The following TMTC2 variants were observed in gnomAD, a reference collection of about 807,000 sequenced individuals.
TMTC2 encodes protein O-mannosyl-transferase TMTC2.
A neutral mutation model predicts 82.4 loss-of-function variants in TMTC2; 43 were observed. That is an observed-to-expected ratio of 0.52 (90% CI 0.41 to 0.67). TMTC2 has a LOEUF of 0.67. Among genes scored for constraint, TMTC2 ranks in the 30% least tolerant of loss-of-function variants. The pLI is 0.00. For synonymous variants in TMTC2, 408 were observed against 381.9 expected (o/e 1.07, Z -0.80); for missense variants, 919 against 1,012.4 (o/e 0.91, Z 1.25).
intron 3 of TMTC2, among the ~76,000 whole-genome samples, chr12:82,898,384 G>A (rs925286680): frequency 2.6e-5 from 4 of 152,116 alleles, no homozygotes; most frequent in Non-Finnish European, 5.9e-5. Context: ...AACATATAGG[G>A]AATTGAAAAA....
At chr12:82,914,758 A>G (rs1204530607) in intron 3 of TMTC2, among the ~76,000 whole-genome samples, 6 of 150,306 alleles carry the variant, frequency 4.0e-5, no homozygotes, top group African/African-American at 9.8e-5. Context: ...TTACACATCT[A>G]TGTTAATTTA....
At chr12:82,737,419 T>G (rs992244226) in intron 1 of TMTC2, among the ~76,000 whole-genome samples, 3 of 152,198 alleles carry the variant, frequency 2.0e-5, no homozygotes, top group Admixed American at 6.5e-5. Context: ...TTTGAACCTA[T>G]ATTCAAAGCA....
chr12:83,102,321 GT>G (rs1884247582), intron 11 of TMTC2, among the ~76,000 whole-genome samples: 1 of 152,206 alleles, frequency 6.6e-6, no homozygotes, highest in Non-Finnish European at 1.5e-5. Flanking sequence ...AGTAGTGCCT[GT>G]GCTCAAATAG....
chr12:82,876,090 ATTC>A (rs1872530403), intron 2 of TMTC2, among the ~76,000 whole-genome samples: 2 of 122,238 alleles, frequency 1.6e-5, no homozygotes, highest in African/African-American at 7.0e-5. Flanking sequence ...GGTGATTAGT[ATTC>A]ATAATGGTGG....
At chr12:83,090,408 C>T (rs2137518206) in intron 11 of TMTC2, among the ~76,000 whole-genome samples, 1 of 152,258 alleles carries the variant, frequency 6.6e-6, no homozygotes, top group East Asian at 1.9e-4. Flanking sequence ...ATTGAAGGTT[C>T]TGTTTCCATT....
At chr12:83,058,388 T>C (rs530066620) in intron 10 of TMTC2, among the ~76,000 whole-genome samples, 1 of 151,890 alleles carries the variant, frequency 6.6e-6, no homozygotes, top group African/African-American at 2.4e-5. Context: ...GAATTCAGGG[T>C]TTACTTCCTA....
chr12:82,985,626 A>C (rs535167254), intron 7 of TMTC2, among the ~76,000 whole-genome samples: 1 of 152,322 alleles, frequency 6.6e-6, no homozygotes, highest in African/African-American at 2.4e-5. Context: ...AAGGAAAAGA[A>C]ATGATGATAA....
At chr12:82,687,781 C>T (rs1196568826) in intron 1 of TMTC2, 112 bp downstream of exon 1, 20 of 1,041,468 alleles carry the variant, frequency 1.9e-5, no homozygotes, top group Admixed American at 2.2e-5. Context: ...GGTTCAGCAC[C>T]TGATGGTTTA....
At chr12:82,897,748 C>T (rs1873754532) in intron 3 of TMTC2, among the ~76,000 whole-genome samples, 1 of 152,100 alleles carries the variant, frequency 6.6e-6, no homozygotes, top group South Asian at 2.1e-4. Context: ...CCGGTCTCAA[C>T]TCCTGACCTT....
intron 1 of TMTC2, among the ~76,000 whole-genome samples, chr12:82,703,498 CTT>C (rs539968079): frequency 4.1e-4 from 50 of 121,604 alleles, no homozygotes; most frequent in African/African-American, 6.5e-4. Context: ...TAGTTTCTTT[CTT>C]TTTTTTTTTT....
intron 1 of TMTC2, among the ~76,000 whole-genome samples, chr12:82,774,594 C>T (rs1345686054): frequency 6.7e-6 from 1 of 150,164 alleles, no homozygotes; most frequent in East Asian, 1.9e-4. Context: ...GCACTCCAGC[C>T]TGGGTGAAAG....
intron 1 of TMTC2, among the ~76,000 whole-genome samples, chr12:82,748,124 C>G (rs1183823344): frequency 2.0e-5 from 3 of 151,948 alleles, no homozygotes; most frequent in African/African-American, 7.3e-5. Context: ...TCCTGGCTAA[C>G]AGGGTGAAAC....
At chr12:82,692,551 A>G (rs77595438) in intron 1 of TMTC2, among the ~76,000 whole-genome samples, 4,609 of 152,292 alleles carry the variant, frequency 0.03, 171 homozygotes, top group East Asian at 0.12. Context: ...GTTTACCCTT[A>G]AGGCTCTTTG....
chr12:83,036,609 T>C (rs1419706081), intron 9 of TMTC2, among the ~76,000 whole-genome samples: 1 of 152,080 alleles, frequency 6.6e-6, no homozygotes, highest in Admixed American at 6.5e-5. Flanking sequence ...TCAATGTGTT[T>C]AGTGGAGGAA....
At chr12:83,086,416 A>G (rs11115572) in intron 11 of TMTC2, among the ~76,000 whole-genome samples, 18,992 of 152,150 alleles carry the variant, frequency 0.12, 1,950 homozygotes, top group African/African-American at 0.28. Flanking sequence ...GTTAAGATTG[A>G]GGACCTCTGG....
intron 8 of TMTC2, among the ~76,000 whole-genome samples, chr12:82,995,473 A>C (rs1054633785): frequency 1.3e-5 from 2 of 152,006 alleles, no homozygotes; most frequent in African/African-American, 4.8e-5. Context: ...GGTTTTTGTG[A>C]TTTCCCCTTA....
At chr12:82,998,916 A>T (rs1463593067) in intron 8 of TMTC2, among the ~76,000 whole-genome samples, 1 of 152,172 alleles carries the variant, frequency 6.6e-6, no homozygotes, top group African/African-American at 2.4e-5. Flanking sequence ...TTTATTTTAG[A>T]ATAGTTTGAT....
At chr12:82,791,547 G>A (rs1181030388) in intron 1 of TMTC2, among the ~76,000 whole-genome samples, 1 of 152,000 alleles carries the variant, frequency 6.6e-6, no homozygotes, top group Non-Finnish European at 1.5e-5. Context: ...AGAAGGGAAG[G>A]GATTTAGTAA....
At chr12:83,001,045 A>T (rs932035525) in intron 8 of TMTC2, among the ~76,000 whole-genome samples, 1 of 152,098 alleles carries the variant, frequency 6.6e-6, no homozygotes, top group Non-Finnish European at 1.5e-5. Flanking sequence ...GGCCGGACTC[A>T]CAAAACCACT....
Sources: allele counts gnomAD v4.1 joint callset (sites outside exome capture counted in the v4.1 genomes callset), GRCh38; gene constraint gnomAD v4.1.1; transcripts MANE v1.5; gene names NCBI Gene and HGNC (gene_info 2026-07-23, HGNC 2026-07-21).